The following FZD3 variants were observed in gnomAD, a reference collection of about 807,000 sequenced individuals.
FZD3 encodes the protein frizzled-3.
A neutral mutation model predicts 60.7 loss-of-function variants in FZD3; 30 were observed. That is an observed-to-expected ratio of 0.49 (90% CI 0.37 to 0.67). The LOEUF (loss-of-function observed/expected upper bound fraction) is 0.67, where lower values mean the gene tolerates loss of function less well. Among genes scored for constraint, FZD3 ranks in the 30% least tolerant of loss-of-function variants. The probability of loss-of-function intolerance (pLI) is 0.00; values close to 1 mark genes in which losing one functional copy is unlikely to be tolerated. For missense variants in FZD3, 605 were observed against 838.7 expected (o/e 0.72, Z 3.44); for synonymous variants, 246 against 275.2 (o/e 0.89, Z 1.05).
chr8:28,558,139 C>A (rs1805546575), intron 7 of FZD3, among the ~76,000 whole-genome samples: 1 of 152,138 alleles, frequency 6.6e-6, no homozygotes, highest in East Asian at 1.9e-4. Flanking sequence ...GAGGAGTTTG[C>A]ATTTTTCCTG....
At position 28,563,194 on chromosome 8, in the gene FZD3, C is replaced by G; in HGVS notation, c.*183C>G. On this transcript the variant is annotated 3_prime_UTR_variant, in exon 8 of 8. Transcript: ENST00000240093. Reference sequence around the variant, plus strand: ...ATCAAACTTGGAACATCAAGGCATCCAAAACACTAAGAATTCTATCATCAC... The same window carrying G: ...ATCAAACTTGGAACATCAAGGCATCGAAAACACTAAGAATTCTATCATCAC... 1.7e-6 allele frequency: 1 copy of G among 572,020 alleles called. No homozygotes were observed. Among genetic ancestry groups the G allele is most frequent in the Non-Finnish European group, 3.1e-6 (1 of 317,810 alleles). The allele number at this position is 572,020 out of a possible 1,614,324, so 35.4% of individuals were successfully genotyped here.
intron 6 of FZD3, among the ~76,000 whole-genome samples, chr8:28,555,286 T>C (rs1805488494): frequency 6.6e-6 from 1 of 152,208 alleles, no homozygotes; most frequent in Non-Finnish European, 1.5e-5. Flanking sequence ...CTCTACTAGT[T>C]TTATAAACCA....
At chr8:28,525,073 C>T (rs951351474) in intron 4 of FZD3, among the ~76,000 whole-genome samples, 11 of 152,034 alleles carry the variant, frequency 7.2e-5, no homozygotes, top group East Asian at 1.9e-4. Flanking sequence ...ATTTTTGCCC[C>T]GCTCAAGTCT....
rs1488500466 is a variant in FZD3 at position 28,556,144 on chromosome 8, A to C, written c.1787+173A>C. 2.0e-5 allele frequency among the ~76,000 whole-genome samples: 3 copies of C among 152,230 alleles called. No homozygotes were observed. In the East Asian group the frequency reaches 5.8e-4, roughly 29 times the overall value. The stretch of plus-strand genomic sequence containing the variant: ...GACTTAAAGTCAGTCAGAATTGTTT[A>C]GATTTGATGGAGTAAGCAATATGGG... On this transcript the variant is annotated intron_variant, in intron 7 of 7. Transcript: ENST00000240093.
intron 7 of FZD3, among the ~76,000 whole-genome samples, chr8:28,558,538 C>T (rs1017978825): frequency 2.0e-5 from 3 of 152,060 alleles, no homozygotes; most frequent in African/African-American, 7.2e-5. Context: ...TCCAGCGATT[C>T]TCATGCCTCA....
chr8:28,502,134 C>T (rs1489570453), intron 2 of FZD3, among the ~76,000 whole-genome samples: 1 of 152,108 alleles, frequency 6.6e-6, no homozygotes, highest in Admixed American at 6.5e-5. Flanking sequence ...ATTCTAGGTA[C>T]ATAGAAGTTA....
chr8:28,513,959 T>C lies in FZD3; in HGVS notation c.190-6679T>C, dbSNP rs919674372. ...TAGCAGGTTCCTATGGTAACAGGAA[T>C]GGAAATTTGAAAGAAGAAAGAGAAT... On this transcript the variant is annotated intron_variant, in intron 3 of 7. Coordinates refer to ENST00000240093, the MANE Select transcript of FZD3 (RefSeq NM_017412.4). Among the ~76,000 whole-genome samples, 8 of 152,134 alleles carry C rather than the reference T, an allele frequency of 5.3e-5. 1 individual carries two copies. The highest frequency in any genetic ancestry group is 1.2e-4 in the Non-Finnish European group (8 of 68,030).
Position 28,568,504 on chromosome 8 carries a change from T to G in FZD3, c.*5493T>G, listed in dbSNP as rs184053674. 6.6e-6 allele frequency: 1 copy of G among 152,114 alleles called. No homozygotes were observed. The highest frequency in any genetic ancestry group is 1.9e-4 in the East Asian group (1 of 5,196). The allele number at this position is 152,114 out of a possible 1,614,324, so 9.4% of individuals were successfully genotyped here. On this transcript the variant is annotated 3_prime_UTR_variant, in exon 8 of 8. Transcript: ENST00000240093. ...TGCTTCTTTAGTCATCAAATTGATA[T>G]AGGATTACAATTTTCTCTCAGGATC...
chr8:28,503,417 T>C (rs1173000015), intron 3 of FZD3, among the ~76,000 whole-genome samples: 2 of 152,214 alleles, frequency 1.3e-5, no homozygotes, highest in African/African-American at 2.4e-5. Flanking sequence ...TTAGACATTA[T>C]ACTTTTATAA....
intron 5 of FZD3, among the ~76,000 whole-genome samples, chr8:28,548,934 T>C (rs905994327): frequency 1.3e-5 from 2 of 152,222 alleles, no homozygotes; most frequent in African/African-American, 2.4e-5. Flanking sequence ...CTTAGGTGTT[T>C]TGTCTCTTTT....
intron 1 of FZD3, among the ~76,000 whole-genome samples, chr8:28,499,023 CCTTGG>C (rs1223719721): frequency 1.3e-5 from 2 of 152,140 alleles, no homozygotes; most frequent in African/African-American, 4.8e-5. Context: ...GTAGTGTATT[CCTTGG>C]CTTGTTGCTT....
intron 5 of FZD3, among the ~76,000 whole-genome samples, chr8:28,551,082 A>G (rs1308518691): frequency 1.3e-5 from 2 of 150,204 alleles, no homozygotes; most frequent in Non-Finnish European, 3.0e-5. Context: ...TCTATCATCT[A>G]TCTAGATAGA....
At chr8:28,529,349 T>C (rs538520905) in intron 5 of FZD3, among the ~76,000 whole-genome samples, 1 of 152,324 alleles carries the variant, frequency 6.6e-6, no homozygotes, top group South Asian at 2.1e-4. Context: ...CCTTTGTTAC[T>C]CTAATACTTT....
At position 28,563,455 on chromosome 8, in the gene FZD3, G is replaced by T; in HGVS notation, c.*444G>T. The T allele has an allele frequency of 6.2e-6, 1 of 160,562 alleles. No individual in the cohort carries two copies. Among genetic ancestry groups the T allele is most frequent in the Non-Finnish European group, 1.4e-5 (1 of 72,882 alleles). The allele number at this position is 160,562 out of a possible 1,614,324, so 9.9% of individuals were successfully genotyped here. On this transcript the variant is annotated 3_prime_UTR_variant, in exon 8 of 8. Transcript: ENST00000240093. The stretch of plus-strand genomic sequence containing the variant: ...GGTTTACTTCTCAGATGAACAGTAG[G>T]ACTTTGTAGTTTTATTTCCACTAAG...
chr8:28,507,773 C>T (rs1804179022), intron 3 of FZD3, among the ~76,000 whole-genome samples: 2 of 147,168 alleles, frequency 1.4e-5, no homozygotes, highest in African/African-American at 2.5e-5. Flanking sequence ...GTTTAAGTTT[C>T]ATTGTGAACT....
intron 7 of FZD3, among the ~76,000 whole-genome samples, chr8:28,557,209 CAA>C (rs34146681): frequency 1.0e-4 from 12 of 117,906 alleles, no homozygotes; most frequent in East Asian, 2.3e-4. Context: ...AACTCTGTCT[CAA>C]AAAAAAAAAA....
intron 3 of FZD3, among the ~76,000 whole-genome samples, chr8:28,506,099 G>A (rs1265500384): frequency 6.6e-6 from 1 of 152,126 alleles, no homozygotes; most frequent in African/African-American, 2.4e-5. Flanking sequence ...TAAATTTTTG[G>A]GAACTGTTCA....
intron 7 of FZD3, among the ~76,000 whole-genome samples, chr8:28,556,323 T>A (rs1008354785): frequency 3.3e-5 from 5 of 152,228 alleles, no homozygotes; most frequent in African/African-American, 1.2e-4. Context: ...TCTTTGCTCT[T>A]GGTAAGCTCA....
chr8:28,554,381 C>T (rs1585192071), intron 6 of FZD3, among the ~76,000 whole-genome samples: 1 of 152,124 alleles, frequency 6.6e-6, no homozygotes, highest in African/African-American at 2.4e-5. Flanking sequence ...TACAGAGGAA[C>T]GAATCCAGAT....
Sources: gnomAD v4.1 joint callset for allele counts (sites outside exome capture counted in the v4.1 genomes callset) on GRCh38, gnomAD v4.1.1 for gene constraint, MANE v1.5 for transcripts, NCBI Gene and HGNC (gene_info 2026-07-23, HGNC 2026-07-21) for gene names.